ZNF469: variants seen among roughly 807,000 people sequenced by gnomAD.
The protein encoded by ZNF469 is zinc finger protein 469.
ZNF469 carries 1 observed loss-of-function variant against 1.0 expected under a neutral mutation model. The observed-to-expected ratio is 1.00, with a 90% CI of 0.35 to 4.73. ZNF469 has a LOEUF of 4.73. Ranked by LOEUF, ZNF469 falls within the 30% of genes most tolerant of loss-of-function variation. ZNF469 has a pLI of 0.16. For synonymous variants in ZNF469, 2,703 were observed against 2,363.4 expected (o/e 1.14, Z -4.17); for missense variants, 6,100 against 5,356.3 (o/e 1.14, Z -4.33).
chr16:88,277,509 T>C, the ZNF469 span, among the ~76,000 whole-genome samples: 1 of 144,844 alleles, frequency 6.9e-6, no homozygotes, highest in Non-Finnish European at 1.5e-5. Context: ...GTCAGTACCG[T>C]GTAGATATCA....
chr16:88,273,307 T>G, the ZNF469 span, among the ~76,000 whole-genome samples: 1 of 151,752 alleles, frequency 6.6e-6, no homozygotes, highest in South Asian at 2.1e-4. Flanking sequence ...CACAACCACA[T>G]TACTCTGCAG....
At chr16:88,233,953 T>C in the ZNF469 span, among the ~76,000 whole-genome samples, 1 of 152,260 alleles carries the variant, frequency 6.6e-6, no homozygotes, top group East Asian at 1.9e-4. Context: ...TGTTTGTCAG[T>C]GGGTTTTCCA....
chr16:88,187,576 GT>G, the ZNF469 span, among the ~76,000 whole-genome samples: 4 of 151,822 alleles, frequency 2.6e-5, no homozygotes, highest in Non-Finnish European at 4.4e-5. Flanking sequence ...TATTTAGGTT[GT>G]TTTTTTCTTT....
chr16:88,182,332 A>G, the ZNF469 span, among the ~76,000 whole-genome samples: 1 of 151,068 alleles, frequency 6.6e-6, no homozygotes, highest in Non-Finnish European at 1.5e-5. Context: ...TGGAATCACA[A>G]TCAAAGTCTC....
the ZNF469 span, among the ~76,000 whole-genome samples, chr16:88,193,874 G>C: frequency 1.3e-5 from 2 of 152,172 alleles, no homozygotes; most frequent in African/African-American, 4.8e-5. Context: ...GGCGGAAGGG[G>C]CAAGGGGGCT....
chr16:88,427,742 G>A lies in ZNF469; in HGVS notation c.272G>A (p.Gly91Asp). Residue 91 changes from glycine (G) to aspartate (D), a missense_variant, in exon 3 of 3, where the codon GGC (glycine) becomes GAC (aspartate). Transcript: ENST00000565624. ...QAPSSTPGKR[G>D]SPQTPPGRSP... Reference sequence around the variant, plus strand: ...CCGAGCAGCACCCCTGGGAAGAGGGGCAGCCCCCAGACCCCACCGGGGAGA... The same window carrying A: ...CCGAGCAGCACCCCTGGGAAGAGGGACAGCCCCCAGACCCCACCGGGGAGA... The A allele has an allele frequency of 1.3e-6, 2 of 1,540,784 alleles. No homozygotes were observed. Among genetic ancestry groups the A allele is most frequent in the East Asian group, 2.4e-5 (1 of 40,818 alleles).
intron 1 of ZNF469, among the ~76,000 whole-genome samples, chr16:88,405,529 A>G (rs1006482016): frequency 1.3e-5 from 2 of 152,108 alleles, no homozygotes; most frequent in African/African-American, 4.8e-5. Flanking sequence ...AGGCATTTGC[A>G]TCAGGGCCTT....
At chr16:88,138,981 C>G in the ZNF469 span, among the ~76,000 whole-genome samples, 1 of 152,242 alleles carries the variant, frequency 6.6e-6, no homozygotes, top group South Asian at 2.1e-4. Context: ...GCTGTGCTGA[C>G]AGGGGGGACC....
chr16:88,200,361 T>C, the ZNF469 span, among the ~76,000 whole-genome samples: 2 of 152,182 alleles, frequency 1.3e-5, no homozygotes, highest in Non-Finnish European at 2.9e-5. Context: ...GCCTCAGAGC[T>C]GGAAGGAGCT....
intron 2 of ZNF469, among the ~76,000 whole-genome samples, chr16:88,426,360 C>G (rs1157968267): frequency 6.6e-6 from 1 of 152,264 alleles, no homozygotes; most frequent in Non-Finnish European, 1.5e-5. Context: ...CCGGTCCCTG[C>G]TGGGCAAGTC....
At chr16:88,345,755 T>A in the ZNF469 span, among the ~76,000 whole-genome samples, 1 of 152,110 alleles carries the variant, frequency 6.6e-6, no homozygotes, top group South Asian at 2.1e-4. Context: ...TGGATGGAAC[T>A]CCCCCGGACT....
At chr16:88,201,014 G>T in the ZNF469 span, among the ~76,000 whole-genome samples, 1 of 152,188 alleles carries the variant, frequency 6.6e-6, no homozygotes, top group Non-Finnish European at 1.5e-5. This position sits in a 1 kb window ranked among gnomAD's most constrained non-coding sequence, Gnocchi z 5.0. Context: ...GTCTTTCTTT[G>T]GGACCACGTC....
chr16:88,155,330 C>A, the ZNF469 span, among the ~76,000 whole-genome samples: 3 of 152,224 alleles, frequency 2.0e-5, no homozygotes, highest in Non-Finnish European at 4.4e-5. Context: ...ATTTTCCTAC[C>A]ATACAATTCA....
chr16:88,279,887 A>C, the ZNF469 span, among the ~76,000 whole-genome samples: 490 of 60,310 alleles, frequency 8.1e-3, 28 homozygotes, highest in Non-Finnish European at 0.013. Context: ...ATCAGTGCAC[A>C]GTTAGTGCTG....
the ZNF469 span, among the ~76,000 whole-genome samples, chr16:88,116,685 T>C: frequency 2.0e-5 from 3 of 152,052 alleles, no homozygotes; most frequent in South Asian, 6.2e-4. Context: ...ACTTGGACCA[T>C]CTCCAGAGAA....
chr16:88,359,436 C>G, the ZNF469 span, among the ~76,000 whole-genome samples: 1 of 152,226 alleles, frequency 6.6e-6, no homozygotes, highest in Admixed American at 6.5e-5. Flanking sequence ...TTGCTATTGT[C>G]TGCTTTTGTG....
the ZNF469 span, among the ~76,000 whole-genome samples, chr16:88,337,736 G>C: frequency 6.6e-6 from 1 of 152,216 alleles, no homozygotes; most frequent in Non-Finnish European, 1.5e-5. Context: ...CGCCGCAGCT[G>C]TGACGCACGT....
the ZNF469 span, among the ~76,000 whole-genome samples, chr16:88,364,801 TA>T: frequency 1 from 152,121 of 152,122 alleles, 76,060 homozygotes; most frequent in Middle Eastern, 1. Context: ...CCATCTCTAC[TA>T]AAAAATACAA....
At chr16:88,356,508 G>A in the ZNF469 span, among the ~76,000 whole-genome samples, 2 of 151,980 alleles carry the variant, frequency 1.3e-5, no homozygotes, top group Non-Finnish European at 2.9e-5. Context: ...GTGTGTACAT[G>A]TGCCTGTGTG....
Sources: gnomAD v4.1 joint callset for allele counts (sites outside exome capture counted in the v4.1 genomes callset) on GRCh38, gnomAD v4.1.1 for gene constraint, Gnocchi (gnomAD v3.1) non-coding constraint, MANE v1.5 for transcripts, NCBI Gene and HGNC (gene_info 2026-07-23, HGNC 2026-07-21) for gene names.